Variants in BFSP2 observed in about 807,000 individuals in gnomAD.
BFSP2 encodes the protein phakinin.
In BFSP2, 38 loss-of-function variants were observed where a neutral mutation model predicts 44.9. The observed-to-expected ratio is 0.85, with a 90% CI of 0.65 to 1.11. The LOEUF (loss-of-function observed/expected upper bound fraction) is 1.11. Ranked by LOEUF, BFSP2 falls within the 50% of genes least tolerant of loss-of-function variation. The pLI is 0.00. For synonymous variants in BFSP2, 197 were observed against 209.9 expected, an observed-to-expected ratio of 0.94 and a Z score of 0.53; for missense variants, 525 against 533.0, an observed-to-expected ratio of 0.99 and a Z score of 0.15.
intron 4 of BFSP2, among the ~76,000 whole-genome samples, chr3:133,461,329 G>A (rs79176393): frequency 0.025 from 3,761 of 152,232 alleles, 57 homozygotes; most frequent in Non-Finnish European, 0.035. Context: ...TTTGAAATTT[G>A]AAAATCTTTA....
intron 1 of BFSP2, chr3:133,410,468 G>C (rs570116769): frequency 3.6e-6 from 1 of 278,050 alleles, no homozygotes; most frequent in Non-Finnish European, 7.4e-6. Flanking sequence ...CTGTCTCTTC[G>C]TTAAGCTCCA....
At chr3:133,451,594 C>T (rs1202488825) in intron 4 of BFSP2, among the ~76,000 whole-genome samples, 2 of 152,168 alleles carry the variant, frequency 1.3e-5, no homozygotes, top group Non-Finnish European at 2.9e-5. Context: ...CTGGTATATA[C>T]AGTAGGGTAA....
intron 1 of BFSP2, among the ~76,000 whole-genome samples, chr3:133,421,443 C>G (rs1399042403): frequency 6.6e-6 from 1 of 152,198 alleles, no homozygotes; most frequent in Non-Finnish European, 1.5e-5. Context: ...TTCCTTGGCC[C>G]GTAGATGCAT....
chr3:133,412,091 G>A lies in BFSP2; in HGVS notation c.489+11519G>A, dbSNP rs1378080007. Among the ~76,000 whole-genome samples the A allele has an allele frequency of 2.6e-5, 4 of 152,334 alleles. No homozygotes were observed. The East Asian group carries it at 7.7e-4, about 29-fold the overall frequency. On this transcript the variant is annotated intron_variant, in intron 1 of 6. Transcript: ENST00000302334. ...TTCTTATAATTTGCCAGTACAGGCT[G>A]AAATATTTGAAGAAGAAATAATATG...
intron 1 of BFSP2, among the ~76,000 whole-genome samples, chr3:133,420,446 G>T (rs1331138690): frequency 1.3e-5 from 2 of 152,158 alleles, no homozygotes; most frequent in African/African-American, 4.8e-5. Flanking sequence ...TGGTTGCAGA[G>T]CGTCCTTGCC....
chr3:133,451,665 G>A (rs763300824), intron 4 of BFSP2, among the ~76,000 whole-genome samples: 57 of 152,218 alleles, frequency 3.7e-4, no homozygotes, highest in Non-Finnish European at 7.1e-4. Context: ...GACTAAAATG[G>A]GATTAGCAGT....
intron 1 of BFSP2, among the ~76,000 whole-genome samples, chr3:133,406,116 ATT>A (rs11398329): frequency 5.5e-5 from 8 of 144,238 alleles, no homozygotes; most frequent in African/African-American, 1.8e-4. Flanking sequence ...ATATCCAGCT[ATT>A]TTTTTTTTTT....
At chr3:133,450,595 A>G (rs1276243612) in intron 4 of BFSP2, 131 bp downstream of exon 4, 7 of 1,047,324 alleles carry the variant, frequency 6.7e-6, no homozygotes, top group African/African-American at 1.6e-5. Context: ...TTAGAAACAG[A>G]AGAAATGAAA....
At chr3:133,471,508 A>C (rs983338912) in intron 5 of BFSP2, among the ~76,000 whole-genome samples, 2 of 152,198 alleles carry the variant, frequency 1.3e-5, no homozygotes, top group African/African-American at 4.8e-5. Flanking sequence ...CAGTGGCTTC[A>C]TTTTGGACAC....
chr3:133,450,428 G>C lies in BFSP2; in HGVS notation c.855G>C (p.Lys285Asn), dbSNP rs2073952279. ...TTCAGTGGGAGAGAGATGTTGAAAA[G>C]AACCGGGTGGAGGCAGGAGCCCTGC... is the stretch of plus-strand genomic sequence containing the variant. ...IRIQWERDVE[K>N]NRVEAGALLQ... is the part of the protein sequence containing the mutation. The change falls in exon 4 of 7, where the codon AAG (lysine) becomes AAC (asparagine). Residue 285 changes from lysine to asparagine, a missense_variant. Lys to Asn is a moderately conservative substitution (Grantham distance 94, BLOSUM62 0). Transcript: ENST00000302334. The C allele has an allele frequency of 1.9e-5, 30 of 1,614,174 alleles. No individual in the cohort carries two copies. In the East Asian group the frequency reaches 6.7e-4, roughly 36 times the overall value.
At chr3:133,413,300 C>T (rs1330910389) in intron 1 of BFSP2, among the ~76,000 whole-genome samples, 1 of 151,966 alleles carries the variant, frequency 6.6e-6, no homozygotes, top group African/African-American at 2.4e-5. Flanking sequence ...TTTCTACTGA[C>T]GTGTCCCGGT....
intron 4 of BFSP2, among the ~76,000 whole-genome samples, chr3:133,458,362 G>A (rs965854864): frequency 1.3e-5 from 2 of 152,176 alleles, no homozygotes; most frequent in African/African-American, 2.4e-5. Flanking sequence ...CATTGAGGTA[G>A]GTACTGCCTA....
At chr3:133,433,254 A>G (rs1402379678) in intron 1 of BFSP2, among the ~76,000 whole-genome samples, 1 of 151,932 alleles carries the variant, frequency 6.6e-6, no homozygotes, top group Non-Finnish European at 1.5e-5. Flanking sequence ...CACCCTGATC[A>G]CACTTAGTTT....
At chr3:133,458,731 T>C (rs774449125) in intron 4 of BFSP2, among the ~76,000 whole-genome samples, 2 of 151,786 alleles carry the variant, frequency 1.3e-5, no homozygotes, top group Non-Finnish European at 2.9e-5. Flanking sequence ...ACACAGACAT[T>C]GTAGAGCGCT....
At chr3:133,428,377 T>C (rs890820614) in intron 1 of BFSP2, among the ~76,000 whole-genome samples, 6 of 151,678 alleles carry the variant, frequency 4.0e-5, no homozygotes, top group African/African-American at 9.7e-5. Flanking sequence ...ACAGAGCCAG[T>C]AAGTCAAGCT....
intron 1 of BFSP2, among the ~76,000 whole-genome samples, chr3:133,425,069 C>T (rs1055370035): frequency 5.3e-5 from 8 of 152,266 alleles, no homozygotes; most frequent in Middle Eastern, 3.4e-3. Flanking sequence ...TCCTGGGTGA[C>T]GGTGGCATGC....
In BFSP2 at chr3:133,433,051, A is replaced by G. The variant is rs142186632; in HGVS notation, c.490-14266A>G. 2.2e-3 allele frequency among the ~76,000 whole-genome samples: 334 copies of G among 152,170 alleles called. 3 individuals carry two copies. The highest frequency in any genetic ancestry group is 0.014 in the East Asian group (71 of 5,182). ...ATTTTCTTCCTCATACCTGACACATATACTTTCTGCTCCCCGGCACCTTCA... is the reference window on the plus strand; with the variant it reads ...ATTTTCTTCCTCATACCTGACACATGTACTTTCTGCTCCCCGGCACCTTCA... On this transcript the variant is annotated intron_variant, in intron 1 of 6. Transcript: ENST00000302334.
At chr3:133,430,621 C>T (rs1022278088) in intron 1 of BFSP2, among the ~76,000 whole-genome samples, 1 of 152,150 alleles carries the variant, frequency 6.6e-6, no homozygotes, top group Non-Finnish European at 1.5e-5. Context: ...ATAAAATGGG[C>T]AAATGGTCTG....
rs1264114894 is a variant in BFSP2 at position 133,400,317 on chromosome 3, C to T, written c.234C>T (p.Leu78=). The T allele has an allele frequency of 5.0e-6, 8 of 1,613,870 alleles. No homozygotes were observed. The highest frequency in any genetic ancestry group is 4.5e-5 in the East Asian group (2 of 44,890). ...GLGARVTRRA[L]GISSVFLQGL... ...GTGCCCGTGTGACCCGCCGGGCCCTCGGCATCAGCAGTGTCTTCCTTCAGG... is the reference window on the plus strand; with the variant it reads ...GTGCCCGTGTGACCCGCCGGGCCCTTGGCATCAGCAGTGTCTTCCTTCAGG... Residue 78 remains leucine, a synonymous_variant, in exon 1 of 7, where the codon CTC becomes CTT. Transcript: ENST00000302334. The surrounding 1 kb of genome is among the most constrained non-coding windows in gnomAD (Gnocchi z 4.0).
Sources: gnomAD v4.1 joint callset for allele counts (sites outside exome capture counted in the v4.1 genomes callset) on GRCh38, gnomAD v4.1.1 for gene constraint, Gnocchi (gnomAD v3.1) non-coding constraint, MANE v1.5 for transcripts, NCBI Gene and HGNC (gene_info 2026-07-23, HGNC 2026-07-21) for gene names.